The following RBM34 variants were observed in gnomAD, a reference collection of about 807,000 sequenced individuals.
The protein encoded by RBM34 is RNA-binding protein 34.
A neutral mutation model predicts 44.6 loss-of-function variants in RBM34; 39 were observed. The ratio of observed to expected loss-of-function variants is 0.87; its 90% CI spans 0.68 to 1.14. RBM34 has a LOEUF of 1.14. Ranked by LOEUF, RBM34 falls within the 50% of genes most tolerant of loss-of-function variation. The pLI is 0.00. For synonymous variants in RBM34, 194 were observed against 184.0 expected, an observed-to-expected ratio of 1.05 and a Z score of -0.44; for missense variants, 572 against 517.9, an observed-to-expected ratio of 1.10 and a Z score of -1.01.
chr1:235,159,350 G>A (rs934898315), intron 3 of RBM34, among the ~76,000 whole-genome samples: 8 of 151,814 alleles, frequency 5.3e-5, no homozygotes, highest in African/African-American at 1.9e-4. Context: ...AAGAGTTCGA[G>A]ACCAGACTGG....
At chr1:235,151,435 G>A (rs982126319) in intron 5 of RBM34, among the ~76,000 whole-genome samples, 2 of 152,190 alleles carry the variant, frequency 1.3e-5, no homozygotes, top group Non-Finnish European at 2.9e-5. Flanking sequence ...TGATAAGAGT[G>A]GGAAATAAAT....
chr1:235,152,870 CTTTTTT>C, intron 4 of RBM34, 105 bp from the exon 5 acceptor site: 13 of 593,516 alleles, frequency 2.2e-5, no homozygotes, highest in East Asian at 4.2e-5. Flanking sequence ...TACTGCCAGG[CTTTTTT>C]TTTTTTTTTT....
At chr1:235,154,210 C>T (rs1662297572) in intron 4 of RBM34, among the ~76,000 whole-genome samples, 1 of 150,470 alleles carries the variant, frequency 6.6e-6, no homozygotes, top group South Asian at 2.1e-4. Flanking sequence ...CGCGCCACTG[C>T]ACTCCAGCCT....
chr1:235,156,783 C>CCTG, intron 3 of RBM34: 1 of 342,152 alleles, frequency 2.9e-6, no homozygotes, highest in Non-Finnish European at 5.9e-6. Context: ...CAGTTCTAGG[C>CCTG]TCTGAGGATA....
intron 3 of RBM34, among the ~76,000 whole-genome samples, chr1:235,158,852 T>A (rs1289770986): frequency 1.3e-5 from 2 of 150,648 alleles, no homozygotes; most frequent in Non-Finnish European, 3.0e-5. Flanking sequence ...GCATGGTGGG[T>A]CATGCCTGTA....
At chr1:235,145,049 ATAAAT>A (rs541549518) in intron 6 of RBM34, among the ~76,000 whole-genome samples, 9 of 152,340 alleles carry the variant, frequency 5.9e-5, no homozygotes, top group Non-Finnish European at 1.3e-4. Flanking sequence ...GTCTCAAAAA[ATAAAT>A]TAAATAAATA....
intron 3 of RBM34, among the ~76,000 whole-genome samples, chr1:235,158,832 T>C (rs1357906258): frequency 2.0e-5 from 3 of 152,110 alleles, no homozygotes; most frequent in Non-Finnish European, 2.9e-5. Flanking sequence ...AACAACGTTA[T>C]GCTGGCCGGG....
intron 6 of RBM34, among the ~76,000 whole-genome samples, chr1:235,143,579 T>C (rs1347087595): frequency 1.3e-5 from 2 of 152,030 alleles, no homozygotes; most frequent in African/African-American, 4.8e-5. Context: ...CTACTAAAAG[T>C]ATGAAAAAAT....
intron 3 of RBM34, among the ~76,000 whole-genome samples, chr1:235,156,283 C>T (rs553967052): frequency 1.1e-4 from 16 of 152,218 alleles, no homozygotes; most frequent in African/African-American, 3.1e-4. Flanking sequence ...GGGTTACAGG[C>T]GTGAACCACT....
At chr1:235,154,688 C>T (rs1005029126) in intron 4 of RBM34, among the ~76,000 whole-genome samples, 193 bp downstream of exon 4, 3 of 152,188 alleles carry the variant, frequency 2.0e-5, no homozygotes, top group Non-Finnish European at 4.4e-5. Context: ...CAAATATAAT[C>T]TGCAAAAGCC....
chr1:235,146,151 G>T (rs2102844368), intron 6 of RBM34, among the ~76,000 whole-genome samples: 1 of 151,854 alleles, frequency 6.6e-6, no homozygotes, highest in East Asian at 1.9e-4. Flanking sequence ...ATGGGGTTTT[G>T]CCATTTTGCC....
chr1:235,145,966 G>GTTTTTTTTTTTTT (rs34111332), intron 6 of RBM34, among the ~76,000 whole-genome samples: 1 of 77,212 alleles, frequency 1.3e-5, no homozygotes, highest in Non-Finnish European at 2.3e-5. Context: ...ATTACAGCAG[G>GTTTTTTTTTTTTT]TTTTTTTTTT....
intron 10 of RBM34, among the ~76,000 whole-genome samples, chr1:235,133,320 AAC>A (rs948759517): frequency 6.6e-6 from 1 of 152,214 alleles, no homozygotes; most frequent in African/African-American, 2.4e-5. Context: ...CAGCCTGAGC[AAC>A]AGAGTGAGAC....
At chr1:235,140,150 T>C (rs1424365217) in intron 6 of RBM34, among the ~76,000 whole-genome samples, 1 of 152,236 alleles carries the variant, frequency 6.6e-6, no homozygotes, top group Non-Finnish European at 1.5e-5. Context: ...TCGCTTGCTC[T>C]CCGCACCTCC....
At chr1:235,141,096 T>C (rs1661664875) in intron 6 of RBM34, among the ~76,000 whole-genome samples, 1 of 149,270 alleles carries the variant, frequency 6.7e-6, no homozygotes, top group Non-Finnish European at 1.5e-5. Flanking sequence ...AATACACCAA[T>C]CGGCACTCTG....
At chr1:235,132,465 T>A (rs897858543) in intron 10 of RBM34, among the ~76,000 whole-genome samples, 1 of 152,100 alleles carries the variant, frequency 6.6e-6, no homozygotes, top group African/African-American at 2.4e-5. Flanking sequence ...CGGGCCAACA[T>A]ACCCAGCTAA....
chr1:235,152,537 T>C, intron 5 of RBM34, 169 bp downstream of exon 5: 1 of 1,360,350 alleles, frequency 7.4e-7, no homozygotes, highest in Non-Finnish European at 9.5e-7. Flanking sequence ...TTTAAAAAGT[T>C]CAAGAGTCAG....
intron 6 of RBM34, 86 bp from the exon 7 acceptor site, chr1:235,138,260 G>T: frequency 9.7e-7 from 1 of 1,034,164 alleles, no homozygotes; most frequent in Non-Finnish European, 1.4e-6. Flanking sequence ...AAATCTAGCT[G>T]TTTTCAACTC....
At chr1:235,134,604 G>A (rs1483969543) in intron 10 of RBM34, among the ~76,000 whole-genome samples, 1 of 152,176 alleles carries the variant, frequency 6.6e-6, no homozygotes, top group Non-Finnish European at 1.5e-5. Flanking sequence ...AGAAGGTAGA[G>A]AAGATTCAGT....
Sources: allele counts gnomAD v4.1 joint callset (sites outside exome capture counted in the v4.1 genomes callset), GRCh38; gene constraint gnomAD v4.1.1; transcripts MANE v1.5; gene names NCBI Gene and HGNC (gene_info 2026-07-23, HGNC 2026-07-21).